Variants in RUFY1 observed in about 807,000 individuals in gnomAD.
RUFY1 encodes the protein RUN and FYVE domain containing 1, also known as RUN and FYVE domain-containing protein 1.
Under a neutral mutation model 94.6 loss-of-function variants are expected in RUFY1, and 54 were observed. That is an observed-to-expected ratio of 0.57 (90% CI 0.46 to 0.72). The LOEUF (loss-of-function observed/expected upper bound fraction) is 0.72, where lower values mean the gene tolerates loss of function less well. RUFY1 is among the 30% of genes least tolerant of loss of function. RUFY1 has a pLI of 0.00. For missense variants in RUFY1, 883 were observed against 883.9 expected (o/e 1.00, Z 0.01); for synonymous variants, 396 against 347.3 (o/e 1.14, Z -1.56).
intron 5 of RUFY1, chr5:179,572,722 ACTT>A (rs772853824): frequency 2.4e-5 from 4 of 165,692 alleles, no homozygotes; most frequent in Non-Finnish European, 5.2e-5. Context: ...GACAAGGAAT[ACTT>A]CTTCAAACAC....
intron 6 of RUFY1, among the ~76,000 whole-genome samples, chr5:179,577,805 A>C (rs1763767591): frequency 6.7e-6 from 1 of 149,074 alleles, no homozygotes; most frequent in African/African-American, 2.5e-5. Context: ...GGATGTGCGC[A>C]CATCGGGTGG....
At chr5:179,550,976 G>A (rs1224093537) in intron 1 of RUFY1, 97 bp downstream of exon 1, 2 of 936,754 alleles carry the variant, frequency 2.1e-6, no homozygotes, top group Non-Finnish European at 2.6e-6. Flanking sequence ...GGCACTGGCC[G>A]TTCCGGGAGG....
chr5:179,552,268 A>G (rs1037166583), intron 1 of RUFY1, among the ~76,000 whole-genome samples: 4 of 152,008 alleles, frequency 2.6e-5, no homozygotes, highest in Admixed American at 2.6e-4. Context: ...GAGATAGCAC[A>G]TAATAGAACA....
intron 17 of RUFY1, chr5:179,608,393 T>C: frequency 1.0e-6 from 1 of 985,564 alleles, no homozygotes; most frequent in Non-Finnish European, 1.2e-6. Flanking sequence ...GTCCTGAGGC[T>C]GCCTTTGAGA....
intron 6 of RUFY1, among the ~76,000 whole-genome samples, chr5:179,577,949 C>T (rs74293453): frequency 0.15 from 22,486 of 151,212 alleles, 1,748 homozygotes; most frequent in South Asian, 0.22. Flanking sequence ...TTTTTAAATA[C>T]AGAAGCAGTG....
chr5:179,564,445 A>T (rs1762676645), intron 3 of RUFY1, among the ~76,000 whole-genome samples: 1 of 139,556 alleles, frequency 7.2e-6, no homozygotes, highest in African/African-American at 2.7e-5. Flanking sequence ...TTTTTTTAAG[A>T]CAGTCTCTCT....
rs569872631 is a variant in RUFY1 at position 179,608,640 on chromosome 5, C to T, written c.1984-736C>T. ...AAGTAAACTTTTTGTCTTAAAAACA[C>T]CCTTAGGCCGGGCACGGTGGCTCAT... On this transcript the variant is annotated intron_variant, in intron 17 of 17. Transcript: ENST00000319449. 2.4e-4 allele frequency: 232 copies of T among 985,360 alleles called. No individual in the cohort carries two copies. In the African/African-American group the frequency reaches 3.9e-3, roughly 17 times the overall value. The allele number at this position is 985,360 out of a possible 1,614,324, so 61.0% of individuals were successfully genotyped here.
At chr5:179,604,868 C>T (rs1766881749) in intron 15 of RUFY1, among the ~76,000 whole-genome samples, 1 of 151,532 alleles carries the variant, frequency 6.6e-6, no homozygotes, top group Admixed American at 6.6e-5. Flanking sequence ...CCTGTCATCC[C>T]AGCTACTTGG....
At chr5:179,594,751 ACT>A (rs1176239629) in intron 11 of RUFY1, 113 bp from the exon 12 acceptor site, 11 of 529,892 alleles carry the variant, frequency 2.1e-5, no homozygotes, top group South Asian at 1.3e-4. Flanking sequence ...ACAGAGCAAG[ACT>A]CTGTCTCAAA....
intron 17 of RUFY1, chr5:179,608,298 AAG>A: frequency 1.0e-6 from 1 of 985,750 alleles, no homozygotes; most frequent in South Asian, 4.7e-5. Context: ...AGCTCTGTGG[AAG>A]AGAGGAAGCC....
intron 5 of RUFY1, among the ~76,000 whole-genome samples, chr5:179,576,611 G>A (rs997957824): frequency 1.3e-5 from 2 of 151,958 alleles, no homozygotes; most frequent in Non-Finnish European, 2.9e-5. Context: ...AGTAGAGACA[G>A]GGTTTCACCA....
In RUFY1 at chr5:179,601,975, G is replaced by C; in HGVS notation, c.1845G>C (p.Leu615=). ...EQEQALQEMG[L]HLSQSKLKME... Reference sequence around the variant, plus strand: ...AACAAGCCCTCCAGGAAATGGGCCTGCACCTCAGCCAGTAAGAACCCCACT... The same window carrying C: ...AACAAGCCCTCCAGGAAATGGGCCTCCACCTCAGCCAGTAAGAACCCCACT... Residue 615 remains leucine (L), a synonymous_variant, in exon 15 of 18, where the codon CTG becomes CTC. Transcript: ENST00000319449. The C allele has an allele frequency of 6.2e-7, 1 of 1,613,382 alleles. No individual in the cohort carries two copies. Among genetic ancestry groups the C allele is most frequent in the Non-Finnish European group, 8.5e-7 (1 of 1,179,544 alleles).
At chr5:179,575,861 A>C (rs1763576196) in intron 5 of RUFY1, among the ~76,000 whole-genome samples, 1 of 152,030 alleles carries the variant, frequency 6.6e-6, no homozygotes, top group South Asian at 2.1e-4. Context: ...AGCTCACTGC[A>C]GCCTTAACCT....
intron 17 of RUFY1, among the ~76,000 whole-genome samples, chr5:179,608,063 T>C (rs1457182849): frequency 6.6e-6 from 1 of 152,156 alleles, no homozygotes; most frequent in Non-Finnish European, 1.5e-5. Flanking sequence ...CAAAAATCAC[T>C]AGTGATCTAG....
At chr5:179,575,299 T>A (rs72824510) in intron 5 of RUFY1, among the ~76,000 whole-genome samples, 13,598 of 152,094 alleles carry the variant, frequency 0.089, 692 homozygotes, top group Middle Eastern at 0.13. Flanking sequence ...GTGCTTACAG[T>A]CAGGTGATGG....
At chr5:179,578,380 ATTT>A (rs953825251) in intron 6 of RUFY1, among the ~76,000 whole-genome samples, 2 of 146,668 alleles carry the variant, frequency 1.4e-5, no homozygotes, top group Non-Finnish European at 3.0e-5. Context: ...TGCCTGGCTA[ATTT>A]TTTTTTTTTA....
intron 2 of RUFY1, among the ~76,000 whole-genome samples, chr5:179,560,583 G>A (rs1204711321): frequency 2.6e-5 from 4 of 151,446 alleles, no homozygotes; most frequent in East Asian, 1.9e-4. Flanking sequence ...AAAATTAGCT[G>A]GGCGTGGTAG....
intron 13 of RUFY1, chr5:179,597,051 G>C (rs1765728971): frequency 1.4e-5 from 3 of 207,586 alleles, no homozygotes; most frequent in African/African-American, 6.9e-5. Context: ...TTTGTGCACA[G>C]TTCATCTACA....
intron 17 of RUFY1, 31 bp downstream of exon 17, chr5:179,607,690 G>C (rs779533973): frequency 3.2e-6 from 5 of 1,583,744 alleles, no homozygotes; most frequent in Non-Finnish European, 4.3e-6. Context: ...CCCTCCCAGT[G>C]CCCTGAGTCG....
Sources: allele counts gnomAD v4.1 joint callset (sites outside exome capture counted in the v4.1 genomes callset), GRCh38; gene constraint gnomAD v4.1.1; transcripts MANE v1.5; gene names NCBI Gene and HGNC (gene_info 2026-07-23, HGNC 2026-07-21).